SH2D4B: variants seen among roughly 807,000 people sequenced by gnomAD.
SH2D4B encodes SH2 domain-containing protein 4B.
SH2D4B carries 45 observed loss-of-function variants against 61.5 expected under a neutral mutation model. The ratio of observed to expected loss-of-function variants is 0.73; its 90% CI spans 0.58 to 0.94. The LOEUF (loss-of-function observed/expected upper bound fraction) is 0.94. Ranked by LOEUF, SH2D4B falls within the 40% of genes least tolerant of loss-of-function variation. The probability of loss-of-function intolerance (pLI) is 0.00; values close to 1 mark genes in which losing one functional copy is unlikely to be tolerated. For synonymous variants in SH2D4B, 224 were observed against 220.4 expected (o/e 1.02, Z -0.14); for missense variants, 572 against 574.2 (o/e 1.00, Z 0.04).
intron 4 of SH2D4B, among the ~76,000 whole-genome samples, chr10:80,595,089 C>A (rs552148565): frequency 6.6e-6 from 1 of 152,212 alleles, no homozygotes; most frequent in East Asian, 1.9e-4. Flanking sequence ...CACCATGAGG[C>A]AGTTGCAATT....
chr10:80,577,351 G>A (rs1277355510), intron 3 of SH2D4B, among the ~76,000 whole-genome samples: 3 of 152,024 alleles, frequency 2.0e-5, no homozygotes, highest in Non-Finnish European at 4.4e-5. Flanking sequence ...GAGCCACCCA[G>A]CCAAGCCCTT....
intron 6 of SH2D4B, among the ~76,000 whole-genome samples, chr10:80,616,959 G>A (rs1842668120): frequency 6.6e-6 from 1 of 152,230 alleles, no homozygotes; most frequent in Non-Finnish European, 1.5e-5. Context: ...ACATCACCAT[G>A]CACTTGCTGC....
intron 1 of SH2D4B, among the ~76,000 whole-genome samples, chr10:80,544,048 A>C (rs1486821392): frequency 1.3e-5 from 2 of 152,020 alleles, no homozygotes; most frequent in Non-Finnish European, 2.9e-5. Flanking sequence ...CAGCAGTGAC[A>C]ACCCACTCCT....
At chr10:80,637,880 G>A (rs1050300986) in intron 7 of SH2D4B, among the ~76,000 whole-genome samples, 5 of 152,188 alleles carry the variant, frequency 3.3e-5, no homozygotes, top group Non-Finnish European at 7.3e-5. Flanking sequence ...TAAAGGGAAT[G>A]CTTCCAGTTT....
intron 1 of SH2D4B, among the ~76,000 whole-genome samples, chr10:80,546,718 G>A (rs1589329901): frequency 6.6e-6 from 1 of 151,328 alleles, no homozygotes; most frequent in South Asian, 2.1e-4. Context: ...TAGTAGAGAC[G>A]GGGTTTCACC....
At chr10:80,609,766 C>T (rs1007615053) in intron 6 of SH2D4B, among the ~76,000 whole-genome samples, 2 of 152,222 alleles carry the variant, frequency 1.3e-5, no homozygotes, top group African/African-American at 4.8e-5. Flanking sequence ...ATGAACATGG[C>T]TCTCGCCCAC....
intron 4 of SH2D4B, among the ~76,000 whole-genome samples, chr10:80,602,223 A>G (rs1419154473): frequency 2.6e-5 from 4 of 152,114 alleles, no homozygotes; most frequent in Non-Finnish European, 5.9e-5. Context: ...TACTCTGGGG[A>G]GGCCAAGGTG....
rs1842161546 is a variant in SH2D4B at position 80,579,232 on chromosome 10, A to G, written c.495+7654A>G. Among the ~76,000 whole-genome samples, 3 of 152,132 alleles carry G rather than the reference A, an allele frequency of 2.0e-5. 1 individual carries two copies. Among genetic ancestry groups the G allele is most frequent in the Non-Finnish European group, 4.4e-5 (3 of 68,018 alleles). Reference sequence around the variant, plus strand: ...AATTCTCCAGGTCATGGAAAAGGTAATAATGACAACTGCATTCTGAAAATG... The same window carrying G: ...AATTCTCCAGGTCATGGAAAAGGTAGTAATGACAACTGCATTCTGAAAATG... On this transcript the variant is annotated intron_variant, in intron 3 of 7. Transcript: ENST00000646907.
At chr10:80,589,522 G>C (rs114549588) in intron 4 of SH2D4B, among the ~76,000 whole-genome samples, 1 of 152,176 alleles carries the variant, frequency 6.6e-6, no homozygotes, top group South Asian at 2.1e-4. Context: ...CTGGGTAACA[G>C]AGTGAGACCT....
intron 3 of SH2D4B, among the ~76,000 whole-genome samples, chr10:80,587,382 C>T (rs12572336): frequency 0.21 from 31,823 of 151,868 alleles, 3,875 homozygotes; most frequent in East Asian, 0.37. Context: ...CCGGTTCAAG[C>T]GATTCTCCTG....
intron 4 of SH2D4B, among the ~76,000 whole-genome samples, chr10:80,597,314 G>T (rs372353741): frequency 6.6e-6 from 1 of 152,284 alleles, no homozygotes. Flanking sequence ...TGGAAAAAGA[G>T]GCTTACATGC....
At chr10:80,635,794 AT>A (rs1457851144) in intron 7 of SH2D4B, among the ~76,000 whole-genome samples, 1 of 151,942 alleles carries the variant, frequency 6.6e-6, no homozygotes, top group Non-Finnish European at 1.5e-5. Context: ...TTATTTATTT[AT>A]TTTGTTCATT....
chr10:80,588,868 T>C, intron 4 of SH2D4B, 91 bp downstream of exon 4: 3 of 1,481,170 alleles, frequency 2.0e-6, no homozygotes, highest in Non-Finnish European at 2.8e-6. Context: ...GTCATTTCCA[T>C]TCGCTCACTC....
At chr10:80,604,794 T>G (rs1842497221) in intron 5 of SH2D4B, among the ~76,000 whole-genome samples, 1 of 151,036 alleles carries the variant, frequency 6.6e-6, no homozygotes, top group Admixed American at 6.6e-5. Flanking sequence ...GTTCTTAGTT[T>G]TTTTTTTTTC....
At chr10:80,626,664 T>A (rs1219162218) in intron 6 of SH2D4B, among the ~76,000 whole-genome samples, 1 of 152,200 alleles carries the variant, frequency 6.6e-6, no homozygotes, top group Admixed American at 6.5e-5. Flanking sequence ...ATCTTGTCCC[T>A]TCTCTCCCTC....
chr10:80,586,934 C>A (rs192810909), intron 3 of SH2D4B, among the ~76,000 whole-genome samples: 8,083 of 148,346 alleles, frequency 0.054, 247 homozygotes, highest in African/African-American at 0.067. Context: ...GTAACACTCA[C>A]CGCGGAGGTC....
At chr10:80,547,905 G>A (rs1441017557) in intron 1 of SH2D4B, among the ~76,000 whole-genome samples, 1 of 152,148 alleles carries the variant, frequency 6.6e-6, no homozygotes, top group Non-Finnish European at 1.5e-5. Context: ...GGTGATGAAT[G>A]AGATATTGCC....
chr10:80,590,763 C>T (rs1842315815), intron 4 of SH2D4B, among the ~76,000 whole-genome samples: 1 of 151,946 alleles, frequency 6.6e-6, no homozygotes, highest in Non-Finnish European at 1.5e-5. Flanking sequence ...TTAAAGTGTA[C>T]AATTTAGTGG....
intron 1 of SH2D4B, among the ~76,000 whole-genome samples, chr10:80,547,124 G>A (rs1841690326): frequency 6.6e-6 from 1 of 152,164 alleles, no homozygotes; most frequent in African/African-American, 2.4e-5. Flanking sequence ...ATTGCTCCCT[G>A]TATGTTTTCC....
Sources: allele counts gnomAD v4.1 joint callset (sites outside exome capture counted in the v4.1 genomes callset), GRCh38; gene constraint gnomAD v4.1.1; transcripts MANE v1.5; gene names NCBI Gene and HGNC (gene_info 2026-07-23, HGNC 2026-07-21).